Variants in KIAA1217 observed in about 807,000 individuals in gnomAD.
The protein encoded by KIAA1217 is sickle tail protein homolog.
A neutral mutation model predicts 163.9 loss-of-function variants in KIAA1217; 88 were observed. The observed-to-expected ratio is 0.54, with a 90% CI of 0.45 to 0.64. The LOEUF (loss-of-function observed/expected upper bound fraction) is 0.64. KIAA1217 is among the 30% of genes least tolerant of loss of function. The pLI is 0.00. For synonymous variants in KIAA1217, 903 were observed against 923.1 expected, an observed-to-expected ratio of 0.98 and a Z score of 0.39; for missense variants, 2,372 against 2,475.0, an observed-to-expected ratio of 0.96 and a Z score of 0.88.
At chr10:24,316,029 A>G (rs2043320970) in intron 2 of KIAA1217, among the ~76,000 whole-genome samples, 1 of 152,018 alleles carries the variant, frequency 6.6e-6, no homozygotes, top group African/African-American at 2.4e-5. Context: ...CGAACACTTT[A>G]GGCATCTGTT....
intron 2 of KIAA1217, among the ~76,000 whole-genome samples, chr10:24,300,680 G>A (rs1314046993): frequency 6.6e-6 from 1 of 152,128 alleles, no homozygotes; most frequent in Non-Finnish European, 1.5e-5. Context: ...CAATTCTCCT[G>A]CCTCAGCCTC....
intron 1 of KIAA1217, among the ~76,000 whole-genome samples, chr10:23,869,226 G>A (rs1840347083): frequency 7.2e-6 from 1 of 139,720 alleles, no homozygotes; most frequent in Non-Finnish European, 1.5e-5. Flanking sequence ...GCAGCAGTAT[G>A]GAAAATAGAT....
chr10:24,109,092 A>C (rs904413638), intron 2 of KIAA1217, among the ~76,000 whole-genome samples: 13 of 152,136 alleles, frequency 8.5e-5, no homozygotes, highest in Non-Finnish European at 1.2e-4. Context: ...CAGGCTCCCA[A>C]AGTGTTGGTA....
At chr10:23,741,270 A>G (rs1839097917) in intron 1 of KIAA1217, among the ~76,000 whole-genome samples, 3 of 151,960 alleles carry the variant, frequency 2.0e-5, no homozygotes, top group Admixed American at 2.0e-4. Context: ...GGTCAGAGAG[A>G]ATACACACTC....
At chr10:24,350,915 A>G (rs1046950467) in intron 2 of KIAA1217, among the ~76,000 whole-genome samples, 2 of 151,652 alleles carry the variant, frequency 1.3e-5, no homozygotes, top group African/African-American at 4.8e-5. Flanking sequence ...ATGTATTTCA[A>G]CAGTTTTTTT....
intron 2 of KIAA1217, among the ~76,000 whole-genome samples, chr10:24,055,085 G>A (rs992204519): frequency 3.9e-5 from 6 of 151,966 alleles, no homozygotes; most frequent in African/African-American, 1.5e-4. Context: ...CACAGAACAT[G>A]GCAAAACCCT....
chr10:24,367,179 A>G (rs1278452133), intron 2 of KIAA1217: 1 of 985,300 alleles, frequency 1.0e-6, no homozygotes, highest in Non-Finnish European at 1.2e-6. Context: ...GTACTTGATG[A>G]AAATTGAATC....
At chr10:24,195,270 G>A (rs1294233465) in intron 2 of KIAA1217, among the ~76,000 whole-genome samples, 1 of 152,172 alleles carries the variant, frequency 6.6e-6, no homozygotes, top group African/African-American at 2.4e-5. Flanking sequence ...CTTTTATTAA[G>A]CTTCCTGTAT....
At chr10:24,026,125 G>A (rs1479898153) in intron 2 of KIAA1217, among the ~76,000 whole-genome samples, 2 of 151,626 alleles carry the variant, frequency 1.3e-5, no homozygotes, top group Non-Finnish European at 3.0e-5. Context: ...TATTCTACTT[G>A]GTCTACTTGT....
chr10:24,031,365 A>G (rs1225204592), intron 2 of KIAA1217, among the ~76,000 whole-genome samples: 1 of 152,262 alleles, frequency 6.6e-6, no homozygotes, highest in East Asian at 1.9e-4. Flanking sequence ...CAGTGGCACA[A>G]TTACTGCTCA....
intron 3 of KIAA1217, among the ~76,000 whole-genome samples, chr10:24,402,746 A>T (rs1481204538): frequency 2.6e-5 from 4 of 152,204 alleles, no homozygotes; most frequent in Admixed American, 1.3e-4. Context: ...ACAAAATTTA[A>T]GAGTTCTTTA....
rs189123008 is a variant in KIAA1217 at position 23,890,157 on chromosome 10, A to T, written c.-320-117068A>T. On this transcript the variant is annotated intron_variant, in intron 1 of 18. Coordinates refer to the KIAA1217 transcript ENST00000376462. The stretch of plus-strand genomic sequence containing the variant: ...CTTTTCTATTTCCGTAATTAGTCTT[A>T]GTAGGAGATTATTGTTTTTAACAAT... 1.2e-3 allele frequency among the ~76,000 whole-genome samples: 177 copies of T among 151,884 alleles called. 1 individual carries two copies. The highest frequency in any genetic ancestry group is 7.9e-3 in the Admixed American group (120 of 15,244).
intron 1 of KIAA1217, among the ~76,000 whole-genome samples, chr10:23,754,018 C>T (rs1015748450): frequency 6.6e-6 from 1 of 152,170 alleles, no homozygotes; most frequent in Non-Finnish European, 1.5e-5. Context: ...CCTCCCTGTT[C>T]TCACTGGAGT....
At chr10:23,799,180 G>A (rs909399876) in intron 1 of KIAA1217, among the ~76,000 whole-genome samples, 4 of 152,118 alleles carry the variant, frequency 2.6e-5, no homozygotes, top group Non-Finnish European at 5.9e-5. Context: ...AAGGGCATCA[G>A]TCATATTGTA....
At chr10:24,043,943 T>G (rs1217883800) in intron 2 of KIAA1217, among the ~76,000 whole-genome samples, 1 of 152,044 alleles carries the variant, frequency 6.6e-6, no homozygotes, top group African/African-American at 2.4e-5. Context: ...AGAGTGAGTA[T>G]TAAAGTCCAA....
At chr10:23,771,660 A>G (rs1187255933) in intron 1 of KIAA1217, among the ~76,000 whole-genome samples, 2 of 151,922 alleles carry the variant, frequency 1.3e-5, no homozygotes, top group Non-Finnish European at 2.9e-5. Flanking sequence ...GCTTTCTTTC[A>G]TCTTGTGGCT....
At chr10:23,767,570 AT>A (rs199588536) in intron 1 of KIAA1217, among the ~76,000 whole-genome samples, 6 of 151,916 alleles carry the variant, frequency 3.9e-5, no homozygotes, top group Non-Finnish European at 7.4e-5. Context: ...AGCCCATCTC[AT>A]TTTTTTTAAA....
At chr10:24,429,887 C>T (rs541931590) in intron 3 of KIAA1217, among the ~76,000 whole-genome samples, 2 of 152,212 alleles carry the variant, frequency 1.3e-5, no homozygotes, top group East Asian at 1.9e-4. Context: ...TCATGGCTGT[C>T]ATCCCAGAAC....
intron 4 of KIAA1217, 44 bp downstream of exon 4, chr10:24,433,237 TTTTTTTTGTTTTTTG>T: frequency 6.8e-7 from 1 of 1,460,810 alleles, no homozygotes; most frequent in South Asian, 1.2e-5. Context: ...TGCCTTAGAG[TTTTTTTTGTTTTTTG>T]TTTTTTTGTT....
Sources: allele counts gnomAD v4.1 joint callset (sites outside exome capture counted in the v4.1 genomes callset), GRCh38; gene constraint gnomAD v4.1.1; transcripts MANE v1.5; gene names NCBI Gene and HGNC (gene_info 2026-07-23, HGNC 2026-07-21).